Variants in LINGO2 observed in about 807,000 individuals in gnomAD.
The protein encoded by LINGO2 is leucine rich repeat and Ig domain containing 2.
In LINGO2, 14 loss-of-function variants were observed where a neutral mutation model predicts 30.6. The ratio of observed to expected loss-of-function variants is 0.46; its 90% CI spans 0.30 to 0.72. The LOEUF (loss-of-function observed/expected upper bound fraction) is 0.72. Ranked by LOEUF, LINGO2 falls within the 30% of genes least tolerant of loss-of-function variation. LINGO2 has a pLI of 0.07. For missense variants in LINGO2, 729 were observed against 751.7 expected (o/e 0.97, Z 0.35); for synonymous variants, 317 against 288.5 (o/e 1.10, Z -1.00).
At chr9:28,505,927 A>G (rs10429471) in intron 1 of LINGO2, among the ~76,000 whole-genome samples, 149,758 of 151,850 alleles carry the variant, frequency 0.99, 73,883 homozygotes, top group Middle Eastern at 1. Flanking sequence ...TGTTTTAAGC[A>G]CAAAGGAATT....
At chr9:28,390,197 G>A (rs10812796) in intron 2 of LINGO2, among the ~76,000 whole-genome samples, 105,863 of 151,980 alleles carry the variant, frequency 0.7, 37,602 homozygotes, top group Non-Finnish European at 0.76. Flanking sequence ...GCCTTCTGCT[G>A]TACGATGCTA....
chr9:28,049,409 CATATT>C (rs1587768059), intron 4 of LINGO2, among the ~76,000 whole-genome samples: 1 of 150,622 alleles, frequency 6.6e-6, no homozygotes, highest in East Asian at 2.0e-4. Context: ...GGTAATAAAA[CATATT>C]AGATCTTATT....
rs74905302 is a variant in LINGO2 at position 28,396,036 on chromosome 9, A to G, written c.-278-23168T>C. 9.5e-3 allele frequency among the ~76,000 whole-genome samples: 1,447 copies of G among 152,298 alleles called. 9 individuals are homozygous for G. The highest frequency in any genetic ancestry group is 0.015 in the Non-Finnish European group (1,027 of 68,020). On this transcript the variant is annotated intron_variant, in intron 2 of 5. Coordinates refer to ENST00000379992, the Ensembl canonical transcript of LINGO2. ...GCAGAAGGAAACTAGGGACGCTACC[A>G]TAATTCACAGTGAGCTCTGGGTAAC...
intron 4 of LINGO2, among the ~76,000 whole-genome samples, chr9:28,142,605 A>C (rs1827705533): frequency 6.6e-6 from 1 of 152,198 alleles, no homozygotes; most frequent in African/African-American, 2.4e-5. Context: ...AGGTTAACTA[A>C]TGAAAAGATT....
intron 4 of LINGO2, among the ~76,000 whole-genome samples, chr9:28,173,974 T>C (rs925203222): frequency 1.3e-5 from 2 of 152,214 alleles, no homozygotes; most frequent in Non-Finnish European, 1.5e-5. Context: ...AGTGAGGTTA[T>C]ATCCAAACTG....
At chr9:27,979,429 G>C (rs1054564922) in intron 5 of LINGO2, among the ~76,000 whole-genome samples, 1 of 151,960 alleles carries the variant, frequency 6.6e-6, no homozygotes, top group African/African-American at 2.4e-5. Flanking sequence ...TGGTGATCCA[G>C]GGGCAGTCAG....
the LINGO2 span, among the ~76,000 whole-genome samples, chr9:28,968,542 A>G: frequency 6.6e-6 from 1 of 152,150 alleles, no homozygotes; most frequent in South Asian, 2.1e-4. Flanking sequence ...ATAATGTTAC[A>G]CTTCACTTTT....
rs534167471 is a variant in LINGO2, at chr9:28,556,307, A to T, written c.-364-80282T>A. On this transcript the variant is annotated intron_variant, in intron 1 of 5. Coordinates refer to ENST00000379992, the Ensembl canonical transcript of LINGO2. ...AGCAACTTCAGCAAAGTCTCAGGATACAAAATCAATGTACAAAATTCACAA... is the reference window on the plus strand; with the variant it reads ...AGCAACTTCAGCAAAGTCTCAGGATTCAAAATCAATGTACAAAATTCACAA... 2.8e-4 allele frequency among the ~76,000 whole-genome samples: 42 copies of T among 152,170 alleles called. No homozygotes were observed. In the South Asian group the frequency reaches 7.9e-3, roughly 29 times the overall value.
In LINGO2 at chr9:28,298,930, T is replaced by C. The variant is rs369972561; in HGVS notation, c.-245-3564A>G. On this transcript the variant is annotated intron_variant, in intron 3 of 5. Transcript: ENST00000379992. Reference sequence around the variant, plus strand: ...CATGTACAAACGCTGTTTTCCTGTTTGTTGGCCTGGCCCTAAGTGCCAGTT... The same window carrying C: ...CATGTACAAACGCTGTTTTCCTGTTCGTTGGCCTGGCCCTAAGTGCCAGTT... Among the ~76,000 whole-genome samples, 19 of 152,348 alleles carry C rather than the reference T, an allele frequency of 1.2e-4. No homozygotes were observed. The East Asian group carries it at 3.7e-3, about 29-fold the overall frequency.
chr9:29,200,828 G>C, the LINGO2 span, among the ~76,000 whole-genome samples: 1 of 152,028 alleles, frequency 6.6e-6, no homozygotes. Flanking sequence ...CAGTTTCTCA[G>C]ACTTTCCTTG....
At chr9:28,452,614 T>G (rs2135078750) in intron 2 of LINGO2, among the ~76,000 whole-genome samples, 1 of 151,990 alleles carries the variant, frequency 6.6e-6, no homozygotes, top group Non-Finnish European at 1.5e-5. Context: ...TGGATCATGG[T>G]TTGTGGATAA....
chr9:28,931,807 T>A, the LINGO2 span, among the ~76,000 whole-genome samples: 1 of 152,136 alleles, frequency 6.6e-6, no homozygotes, highest in African/African-American at 2.4e-5. Flanking sequence ...ATAAAACAGT[T>A]GCTTCAAAAG....
At chr9:29,189,512 C>G in the LINGO2 span, among the ~76,000 whole-genome samples, 2 of 151,540 alleles carry the variant, frequency 1.3e-5, no homozygotes, top group African/African-American at 4.9e-5. Flanking sequence ...GGCAGAGGTG[C>G]TCCCCACATC....
At position 28,441,251 on chromosome 9, in the gene LINGO2, CTTTTTTTTTTTTTTTTTTTT is replaced by C. The variant is rs72213590; in HGVS notation, c.-279+34669_-279+34688del. Among the ~76,000 whole-genome samples the C allele has an allele frequency of 2.0e-3, 73 of 36,292 alleles. 1 individual carries two copies. In the Admixed American group the frequency reaches 0.021, roughly 11 times the overall value. The allele number at this position is 36,292 out of a possible 152,430, so 23.8% of individuals were successfully genotyped here. A position where few individuals can be genotyped will look rare whatever the true frequency, so the allele number is the denominator to read the frequency against. ...TATAGCAGTATAAATTCATTGGAGGCTTTTTTTTTTTTTTTTTTTTTTTTTTTTTTTTTTTTTTGGTGAAT... is the reference window on the plus strand; with the variant it reads ...TATAGCAGTATAAATTCATTGGAGGCTTTTTTTTTTTTTTTTTTGGTGAAT... On this transcript the variant is annotated intron_variant, in intron 2 of 5. Coordinates refer to ENST00000379992, the Ensembl canonical transcript of LINGO2.
chr9:28,840,865 C>A, the LINGO2 span, among the ~76,000 whole-genome samples: 3 of 151,752 alleles, frequency 2.0e-5, no homozygotes, highest in Non-Finnish European at 2.9e-5. Context: ...TCATCTCATA[C>A]ATTCTTCCTC....
At chr9:27,990,470 C>CT (rs77923539) in intron 5 of LINGO2, among the ~76,000 whole-genome samples, 2 of 146,832 alleles carry the variant, frequency 1.4e-5, no homozygotes, top group Admixed American at 6.8e-5. Flanking sequence ...ATACCCCCCC[C>CT]CCTTTTATTT....
intron 1 of LINGO2, among the ~76,000 whole-genome samples, chr9:28,664,936 T>C (rs1035792425): frequency 2.0e-5 from 3 of 147,572 alleles, no homozygotes; most frequent in Non-Finnish European, 4.5e-5. Flanking sequence ...AAACTACCCA[T>C]CTAGAACATA....
intron 3 of LINGO2, among the ~76,000 whole-genome samples, chr9:28,315,024 A>AAAG (rs1824788353): frequency 6.6e-6 from 1 of 151,718 alleles, no homozygotes; most frequent in Admixed American, 6.6e-5. Flanking sequence ...AAAAAAAAAA[A>AAAG]AGAAACAAAA....
At chr9:28,287,796 GTGTGTGCGTA>G (rs1823570409) in intron 4 of LINGO2, among the ~76,000 whole-genome samples, 1 of 152,192 alleles carries the variant, frequency 6.6e-6, no homozygotes. Flanking sequence ...GTGTGTGCGT[GTGTGTGCGTA>G]TGTGTGCATA....
Sources: allele counts gnomAD v4.1 joint callset (sites outside exome capture counted in the v4.1 genomes callset), GRCh38; gene constraint gnomAD v4.1.1; transcripts MANE v1.5; gene names NCBI Gene and HGNC (gene_info 2026-07-23, HGNC 2026-07-21).